PTPRD: variants seen among roughly 807,000 people sequenced by gnomAD.
PTPRD encodes receptor-type tyrosine-protein phosphatase delta.
In PTPRD, 34 loss-of-function variants were observed where a neutral mutation model predicts 214.5. The ratio of observed to expected loss-of-function variants is 0.16; its 90% CI spans 0.12 to 0.21. The LOEUF (loss-of-function observed/expected upper bound fraction) is 0.21, where lower values mean the gene tolerates loss of function less well. Among genes scored for constraint, PTPRD ranks in the 10% least tolerant of loss-of-function variants. The pLI is 1.00. For missense variants in PTPRD, 2,545 were observed against 2,398.7 expected, an observed-to-expected ratio of 1.06 and a Z score of -1.27; for synonymous variants, 1,128 against 845.7, an observed-to-expected ratio of 1.33 and a Z score of -5.79.
chr9:10,016,393 A>ATAGATATATAGATAGG (rs56040812), intron 4 of PTPRD, among the ~76,000 whole-genome samples: 18 of 149,902 alleles, frequency 1.2e-4, no homozygotes, highest in African/African-American at 4.0e-4. Context: ...AGATAGATAG[A>ATAGATATATAGATAGG]TAGACAGATA....
intron 2 of PTPRD, among the ~76,000 whole-genome samples, chr9:10,478,830 T>C (rs1448060451): frequency 1.3e-5 from 2 of 151,820 alleles, no homozygotes; most frequent in African/African-American, 4.8e-5. Flanking sequence ...ATTTCCCTTA[T>C]GATAACTGAA....
intron 10 of PTPRD, among the ~76,000 whole-genome samples, chr9:9,106,182 A>G (rs1591711452): frequency 6.6e-6 from 1 of 152,038 alleles, no homozygotes; most frequent in Non-Finnish European, 1.5e-5. Flanking sequence ...TCAGGTACAT[A>G]GTTTCATTTA....
At chr9:9,486,205 A>G (rs1589638235) in intron 8 of PTPRD, among the ~76,000 whole-genome samples, 1 of 138,616 alleles carries the variant, frequency 7.2e-6, no homozygotes, top group Non-Finnish European at 1.5e-5. Flanking sequence ...TGAAGTCACT[A>G]TGTGAGCTCC....
Position 10,020,499 on chromosome 9 carries a change from C to T in PTPRD, c.-472+13219G>A, listed in dbSNP as rs987370576. ...TGTTTTTTTAGTAGAGACGGGGTTTCACCACGTTGCCCAGGATGGTCTAGA... is the reference window on the plus strand; with the variant it reads ...TGTTTTTTTAGTAGAGACGGGGTTTTACCACGTTGCCCAGGATGGTCTAGA... On this transcript the variant is annotated intron_variant, in intron 4 of 45. Coordinates refer to ENST00000381196, the MANE Select transcript of PTPRD (RefSeq NM_002839.4). Among the ~76,000 whole-genome samples, 3 of 121,946 alleles carry T rather than the reference C, an allele frequency of 2.5e-5. No individual in the cohort carries two copies. The Admixed American group carries it at 2.7e-4, about 11-fold the overall frequency. The allele number at this position is 121,946 out of a possible 152,430, so 80.0% of individuals were successfully genotyped here.
chr9:10,247,625 T>A (rs1344109543), intron 3 of PTPRD, among the ~76,000 whole-genome samples: 7 of 152,190 alleles, frequency 4.6e-5, no homozygotes, highest in Non-Finnish European at 2.9e-5. Flanking sequence ...CCAACATTAT[T>A]TTTGCACTTA....
chr9:9,295,344 T>A (rs541312813), intron 9 of PTPRD, among the ~76,000 whole-genome samples: 7 of 151,762 alleles, frequency 4.6e-5, no homozygotes, highest in Non-Finnish European at 8.8e-5. Context: ...TCTTTACAGC[T>A]TACTCCCTTT....
chr9:9,365,192 CTA>C (rs931033147), intron 9 of PTPRD, among the ~76,000 whole-genome samples: 6 of 151,420 alleles, frequency 4.0e-5, no homozygotes, highest in African/African-American at 1.5e-4. Context: ...TAAAATTGTT[CTA>C]TGTTACAGGG....
chr9:10,342,071 C>T (rs1565411774), intron 2 of PTPRD, among the ~76,000 whole-genome samples: 3 of 152,016 alleles, frequency 2.0e-5, no homozygotes, highest in African/African-American at 7.2e-5. Flanking sequence ...AGGGATAGCA[C>T]TTGATTGCTT....
intron 9 of PTPRD, among the ~76,000 whole-genome samples, chr9:9,364,350 T>C (rs2057241778): frequency 6.6e-6 from 1 of 151,432 alleles, no homozygotes; most frequent in Non-Finnish European, 1.5e-5. Context: ...TACATTCTAA[T>C]GGAGGGAGTA....
At chr9:9,968,249 A>C (rs571630031) in intron 4 of PTPRD, among the ~76,000 whole-genome samples, 1 of 152,318 alleles carries the variant, frequency 6.6e-6, no homozygotes, top group South Asian at 2.1e-4. Flanking sequence ...TTCAACTTCC[A>C]GTGAAGCTGG....
intron 4 of PTPRD, among the ~76,000 whole-genome samples, chr9:10,010,807 C>G (rs1276262997): frequency 1.3e-5 from 2 of 151,942 alleles, no homozygotes; most frequent in Non-Finnish European, 2.9e-5. Context: ...TTAAAACTAA[C>G]TTAACACTAA....
chr9:10,114,729 A>G (rs2098716992), intron 3 of PTPRD, among the ~76,000 whole-genome samples: 1 of 152,104 alleles, frequency 6.6e-6, no homozygotes, highest in East Asian at 1.9e-4. Flanking sequence ...CACATGTAAT[A>G]TAGCTAACCT....
intron 2 of PTPRD, among the ~76,000 whole-genome samples, chr9:10,450,288 CAA>C (rs201340837): frequency 2.0e-5 from 3 of 151,192 alleles, no homozygotes; most frequent in Non-Finnish European, 2.9e-5. Flanking sequence ...AAATAAAAAA[CAA>C]AAAAAGATTA....
chr9:9,200,374 G>C (rs774108431), intron 9 of PTPRD, among the ~76,000 whole-genome samples: 1 of 152,178 alleles, frequency 6.6e-6, no homozygotes, highest in Non-Finnish European at 1.5e-5. Context: ...TCTACAAAGA[G>C]CACTTCAGGA....
intron 11 of PTPRD, among the ~76,000 whole-genome samples, chr9:8,783,000 G>A (rs2095798864): frequency 6.6e-6 from 1 of 152,066 alleles, no homozygotes; most frequent in Non-Finnish European, 1.5e-5. Context: ...CTCTACCCTT[G>A]CAGTTTTTCT....
At chr9:9,971,749 C>G (rs1195109201) in intron 4 of PTPRD, among the ~76,000 whole-genome samples, 3 of 152,120 alleles carry the variant, frequency 2.0e-5, no homozygotes, top group Non-Finnish European at 4.4e-5. Flanking sequence ...TAATCTATGA[C>G]TCATGTAACA....
chr9:9,490,380 G>A (rs958664295), intron 8 of PTPRD, among the ~76,000 whole-genome samples: 2 of 151,972 alleles, frequency 1.3e-5, no homozygotes, highest in Non-Finnish European at 2.9e-5. Flanking sequence ...TGTAATGACA[G>A]TTTTTAATTG....
At chr9:10,282,651 TA>T (rs2154395116) in intron 3 of PTPRD, among the ~76,000 whole-genome samples, 1 of 152,282 alleles carries the variant, frequency 6.6e-6, no homozygotes, top group African/African-American at 2.4e-5. Context: ...TGAGCAGCTT[TA>T]AAAAATACTC....
At chr9:10,326,850 T>C (rs1274671537) in intron 3 of PTPRD, among the ~76,000 whole-genome samples, 1 of 151,464 alleles carries the variant, frequency 6.6e-6, no homozygotes, top group African/African-American at 2.4e-5. Flanking sequence ...CTATTTATGA[T>C]CATGAGATAT....
Sources: gnomAD v4.1 joint callset for allele counts (sites outside exome capture counted in the v4.1 genomes callset) on GRCh38, gnomAD v4.1.1 for gene constraint, MANE v1.5 for transcripts, NCBI Gene and HGNC (gene_info 2026-07-23, HGNC 2026-07-21) for gene names.